ATP8A2: variants seen among roughly 807,000 people sequenced by gnomAD.
ATP8A2 encodes the protein ATPase phospholipid transporting 8A2, also known as phospholipid-transporting ATPase IB.
A neutral mutation model predicts 165.6 loss-of-function variants in ATP8A2; 100 were observed. That is an observed-to-expected ratio of 0.60 (90% CI 0.51 to 0.71). The LOEUF (loss-of-function observed/expected upper bound fraction) is 0.71, where lower values mean the gene tolerates loss of function less well. ATP8A2 is among the 30% of genes least tolerant of loss of function. ATP8A2 has a pLI of 0.00. For missense variants in ATP8A2, 1,227 were observed against 1,479.5 expected, an observed-to-expected ratio of 0.83 and a Z score of 2.80; for synonymous variants, 543 against 548.8, an observed-to-expected ratio of 0.99 and a Z score of 0.15.
At chr13:25,888,068 A>ACCCCCCCCCC (rs71080210) in intron 33 of ATP8A2, among the ~76,000 whole-genome samples, 12 of 105,666 alleles carry the variant, frequency 1.1e-4, no homozygotes, top group Non-Finnish European at 1.2e-4. Context: ...AAGAACCCAG[A>ACCCCCCCCCC]CCCCCCCCCC....
At chr13:25,785,836 G>A (rs769917842) in intron 27 of ATP8A2, among the ~76,000 whole-genome samples, 3 of 152,216 alleles carry the variant, frequency 2.0e-5, no homozygotes, top group South Asian at 2.1e-4. Context: ...TGTAGCAAAT[G>A]AGGAAGAAGA....
intron 33 of ATP8A2, among the ~76,000 whole-genome samples, chr13:25,948,946 C>T (rs1955278351): frequency 6.6e-6 from 1 of 152,204 alleles, no homozygotes; most frequent in African/African-American, 2.4e-5. Flanking sequence ...CTCCTGGAAG[C>T]TTTAGCTCCT....
At chr13:25,534,161 T>G (rs1409439952) in intron 6 of ATP8A2, 1 of 531,992 alleles carries the variant, frequency 1.9e-6, no homozygotes, top group Admixed American at 1.9e-5. Context: ...TAGTTTTCGT[T>G]TTACTTTACT....
chr13:25,446,351 A>G, intron 1 of ATP8A2, among the ~76,000 whole-genome samples: 1 of 152,216 alleles, frequency 6.6e-6, no homozygotes, highest in African/African-American at 2.4e-5. Context: ...AAATGAGCGC[A>G]GAATTTGTTT....
chr13:25,787,492 G>T (rs2045059257), intron 27 of ATP8A2, among the ~76,000 whole-genome samples: 1 of 152,216 alleles, frequency 6.6e-6, no homozygotes, highest in African/African-American at 2.4e-5. Context: ...TAATTTTGGT[G>T]ATTATGAATA....
At chr13:25,692,743 A>AGG (rs1377037378) in intron 24 of ATP8A2, among the ~76,000 whole-genome samples, 1 of 152,188 alleles carries the variant, frequency 6.6e-6, no homozygotes, top group Non-Finnish European at 1.5e-5. Context: ...TGATTACCTA[A>AGG]TTTTAATTTA....
At chr13:25,970,247 A>C (rs563536464) in intron 35 of ATP8A2, among the ~76,000 whole-genome samples, 27 of 152,254 alleles carry the variant, frequency 1.8e-4, no homozygotes, top group Non-Finnish European at 3.2e-4. Flanking sequence ...AACTCCTCTC[A>C]AACATTTTAC....
At chr13:25,519,725 G>A (rs1483072736) in intron 2 of ATP8A2, among the ~76,000 whole-genome samples, 2 of 152,142 alleles carry the variant, frequency 1.3e-5, no homozygotes, top group Non-Finnish European at 2.9e-5. Flanking sequence ...GACTAGCCAG[G>A]AGGACAGTGA....
In ATP8A2 at chr13:25,699,278, C is replaced by T. The variant is rs750192168; in HGVS notation, c.2317C>T (p.Leu773Phe). ...IIDGHTLKYA[L>F]SFEVRRSFLD... ...CGATGGCCACACCCTGAAGTACGCGCTCTCCTTCGAAGTCCGGAGGAGTTT... is the reference window on the plus strand; with the variant it reads ...CGATGGCCACACCCTGAAGTACGCGTTCTCCTTCGAAGTCCGGAGGAGTTT... Residue 773 changes from leucine to phenylalanine, a missense_variant, in exon 25 of 37, where the codon CTC (leucine) becomes TTC (phenylalanine). This residue lies in a region of ATP8A2 where 592 missense variants were observed against 785.6 expected (regional missense o/e 0.75). Transcript: ENST00000381655. 4 of 1,613,796 alleles carry T rather than the reference C, an allele frequency of 2.5e-6. No homozygotes were observed. In the South Asian group the frequency reaches 4.4e-5, roughly 18 times the overall value.
chr13:25,375,154 A>G (rs1218119890), intron 1 of ATP8A2, among the ~76,000 whole-genome samples: 1 of 152,218 alleles, frequency 6.6e-6, no homozygotes, highest in Non-Finnish European at 1.5e-5. Flanking sequence ...TATAGTGCTT[A>G]CAGTCTGCTC....
chr13:25,830,861 G>A (rs1287501221), intron 28 of ATP8A2, among the ~76,000 whole-genome samples: 1 of 152,184 alleles, frequency 6.6e-6, no homozygotes, highest in Non-Finnish European at 1.5e-5. Context: ...TTAGTCAATA[G>A]TAGCAAGAGC....
At chr13:25,528,174 C>A (rs908691628) in intron 2 of ATP8A2, among the ~76,000 whole-genome samples, 3 of 152,132 alleles carry the variant, frequency 2.0e-5, no homozygotes, top group Non-Finnish European at 4.4e-5. Context: ...ACAGTGACAT[C>A]CTGTTATGCC....
At chr13:25,903,709 G>A (rs1953839306) in intron 33 of ATP8A2, among the ~76,000 whole-genome samples, 1 of 152,080 alleles carries the variant, frequency 6.6e-6, no homozygotes, top group Non-Finnish European at 1.5e-5. Flanking sequence ...CAGCCCTCTC[G>A]AGGGGTCACT....
At chr13:25,542,330 T>TTG in intron 9 of ATP8A2, among the ~76,000 whole-genome samples, 1 of 151,848 alleles carries the variant, frequency 6.6e-6, no homozygotes, top group Admixed American at 6.6e-5. Context: ...CAGAGGAGAG[T>TTG]TATCTGAGGT....
At chr13:25,537,591 A>G (rs2038327436) in intron 6 of ATP8A2, among the ~76,000 whole-genome samples, 1 of 152,168 alleles carries the variant, frequency 6.6e-6, no homozygotes, top group Admixed American at 6.5e-5. Flanking sequence ...TCAGGGGTGC[A>G]GTGGGGATTG....
intron 2 of ATP8A2, among the ~76,000 whole-genome samples, chr13:25,479,999 C>T (rs1197806156): frequency 2.0e-5 from 3 of 152,360 alleles, no homozygotes; most frequent in Admixed American, 1.3e-4. Flanking sequence ...TCTCAATGAG[C>T]TGTTGGGCAC....
intron 24 of ATP8A2, among the ~76,000 whole-genome samples, chr13:25,672,790 A>G (rs929738196): frequency 2.0e-5 from 3 of 152,118 alleles, no homozygotes; most frequent in African/African-American, 7.2e-5. Context: ...TAGTCAATCT[A>G]ATTTCCCTTG....
chr13:25,615,444 A>C (rs1183277783), intron 24 of ATP8A2, among the ~76,000 whole-genome samples: 1 of 152,128 alleles, frequency 6.6e-6, no homozygotes, highest in African/African-American at 2.4e-5. Flanking sequence ...AGCAGGGCTG[A>C]GAACTTGCCC....
chr13:25,437,666 C>T (rs1410163687), intron 1 of ATP8A2, among the ~76,000 whole-genome samples: 1 of 152,070 alleles, frequency 6.6e-6, no homozygotes, highest in East Asian at 1.9e-4. Flanking sequence ...GATGGTAACA[C>T]CTTACCATCA....
Sources: gnomAD v4.1 joint callset for allele counts (sites outside exome capture counted in the v4.1 genomes callset) on GRCh38, gnomAD v4.1.1 for gene constraint, gnomAD v4.1.1 regional missense constraint, MANE v1.5 for transcripts, NCBI Gene and HGNC (gene_info 2026-07-23, HGNC 2026-07-21) for gene names.